The following TIAM2 variants were observed in gnomAD, a reference collection of about 807,000 sequenced individuals.
TIAM2 encodes rho guanine nucleotide exchange factor TIAM2.
A neutral mutation model predicts 152.9 loss-of-function variants in TIAM2; 80 were observed. The observed-to-expected ratio is 0.52, with a 90% CI of 0.44 to 0.63. The LOEUF is 0.63. TIAM2 is among the 30% of genes least tolerant of loss of function. TIAM2 has a pLI of 0.00. For missense variants in TIAM2, 1,965 were observed against 2,120.1 expected, an observed-to-expected ratio of 0.93 and a Z score of 1.44; for synonymous variants, 804 against 838.0, an observed-to-expected ratio of 0.96 and a Z score of 0.70.
intron 1 of TIAM2, among the ~76,000 whole-genome samples, chr6:155,026,513 C>T (rs1776605480): frequency 6.6e-6 from 1 of 152,184 alleles, no homozygotes; most frequent in African/African-American, 2.4e-5. Context: ...AGGGCATGGA[C>T]AACTACAGAA....
chr6:155,101,227 C>T (rs994436056), intron 2 of TIAM2, among the ~76,000 whole-genome samples: 1 of 152,166 alleles, frequency 6.6e-6, no homozygotes, highest in African/African-American at 2.4e-5. Context: ...GATTCTCAGG[C>T]AGATACTTGG....
intron 8 of TIAM2, among the ~76,000 whole-genome samples, chr6:155,164,835 G>C (rs1780377859): frequency 1.3e-5 from 2 of 152,208 alleles, no homozygotes; most frequent in African/African-American, 2.4e-5. Flanking sequence ...GACAGTTACT[G>C]CATGCTCATC....
intron 7 of TIAM2, among the ~76,000 whole-genome samples, chr6:155,162,818 C>A (rs1780307435): frequency 6.6e-6 from 1 of 152,202 alleles, no homozygotes; most frequent in African/African-American, 2.4e-5. Flanking sequence ...TATACAGGAT[C>A]TTGAGTGAGG....
At chr6:155,159,402 G>C (rs1300585177) in intron 7 of TIAM2, among the ~76,000 whole-genome samples, 1 of 152,088 alleles carries the variant, frequency 6.6e-6, no homozygotes, top group African/African-American at 2.4e-5. Flanking sequence ...CAGGGGCCCC[G>C]TTATAGCTAC....
At chr6:155,198,762 T>G (rs1252064689) in intron 14 of TIAM2, among the ~76,000 whole-genome samples, 2 of 150,246 alleles carry the variant, frequency 1.3e-5, no homozygotes, top group African/African-American at 2.5e-5. Flanking sequence ...TTGGAACACA[T>G]CTTGAGGCTT....
At chr6:155,168,892 T>G (rs1248404937) in intron 9 of TIAM2, 2 of 1,535,692 alleles carry the variant, frequency 1.3e-6, no homozygotes, top group Non-Finnish European at 1.7e-6. Flanking sequence ...CTCAGCTACC[T>G]CAAAACTCCA....
At chr6:155,104,040 A>ACT (rs1562316893) in intron 2 of TIAM2, among the ~76,000 whole-genome samples, 1 of 57,732 alleles carries the variant, frequency 1.7e-5, no homozygotes, top group Non-Finnish European at 3.2e-5. Context: ...ACACACACAC[A>ACT]CCCCCCCCCC....
Position 155,044,405 on chromosome 6 carries a change from G to T in TIAM2, c.-208-45884G>T, listed in dbSNP as rs142808776. On this transcript the variant is annotated intron_variant, in intron 1 of 26. Coordinates refer to ENST00000682666, the MANE Select transcript of TIAM2 (RefSeq NM_012454.4). ...TGAGGATGCTGCATTCATACAACTG[G>T]ACTGTTTTTTATTCGTTTAGCTGAA... Among the ~76,000 whole-genome samples the T allele has an allele frequency of 3.3e-5, 5 of 152,318 alleles. No individual in the cohort carries two copies. In the East Asian group the frequency reaches 9.6e-4, roughly 29 times the overall value.
chr6:155,158,100 G>A (rs1780170318), intron 7 of TIAM2, among the ~76,000 whole-genome samples: 1 of 152,128 alleles, frequency 6.6e-6, no homozygotes, highest in African/African-American at 2.4e-5. Flanking sequence ...CTTACACCAA[G>A]AAAGAAACAT....
chr6:155,085,991 G>A (rs963902364), intron 1 of TIAM2, among the ~76,000 whole-genome samples: 3 of 152,204 alleles, frequency 2.0e-5, no homozygotes, highest in African/African-American at 4.8e-5. Context: ...GTGGTCACAA[G>A]ATATTGCAGT....
At chr6:155,157,483 A>G (rs1055345513) in intron 7 of TIAM2, among the ~76,000 whole-genome samples, 1 of 151,124 alleles carries the variant, frequency 6.6e-6, no homozygotes, top group Non-Finnish European at 1.5e-5. Context: ...AAATTTTTTT[A>G]AAAAATAGAG....
intron 1 of TIAM2, among the ~76,000 whole-genome samples, chr6:155,066,675 G>A (rs1310595213): frequency 1.3e-5 from 2 of 152,114 alleles, no homozygotes; most frequent in Non-Finnish European, 2.9e-5. Flanking sequence ...TTTGGTGTGT[G>A]TATATATATA....
intron 18 of TIAM2, 114 bp downstream of exon 18, chr6:155,244,897 A>C (rs532821872): frequency 7.7e-7 from 1 of 1,296,044 alleles, no homozygotes. Context: ...TTGACTATTT[A>C]TTGTCCTGTG....
At chr6:155,142,476 C>T (rs914470775) in intron 5 of TIAM2, among the ~76,000 whole-genome samples, 1 of 152,230 alleles carries the variant, frequency 6.6e-6, no homozygotes, top group Non-Finnish European at 1.5e-5. Flanking sequence ...GTTAGGGAAG[C>T]TGGGAAGTGA....
intron 12 of TIAM2, 56 bp from the exon 13 acceptor site, chr6:155,182,170 G>T (rs1479687624): frequency 5.5e-6 from 8 of 1,456,158 alleles, no homozygotes; most frequent in Non-Finnish European, 7.7e-6. Context: ...GGTGTGGTTG[G>T]AGAAATTCAG....
intron 2 of TIAM2, among the ~76,000 whole-genome samples, chr6:155,111,283 C>A (rs1346582276): frequency 6.8e-6 from 1 of 147,084 alleles, no homozygotes; most frequent in African/African-American, 2.5e-5. Flanking sequence ...GGAAAGTGTC[C>A]ATATATTCTT....
intron 1 of TIAM2, among the ~76,000 whole-genome samples, chr6:155,079,590 T>C (rs1583179918): frequency 6.6e-6 from 1 of 152,230 alleles, no homozygotes; most frequent in East Asian, 1.9e-4. Flanking sequence ...GGGGTTCAGA[T>C]GTTCATCTTG....
chr6:155,054,237 C>T (rs1202351382), intron 1 of TIAM2, among the ~76,000 whole-genome samples: 2 of 152,152 alleles, frequency 1.3e-5, no homozygotes, highest in African/African-American at 2.4e-5. Context: ...ATGTGCATCC[C>T]CCCTGAGAGG....
intron 25 of TIAM2, 135 bp downstream of exon 25, chr6:155,254,195 T>C: frequency 9.6e-7 from 1 of 1,043,250 alleles, no homozygotes; most frequent in South Asian, 1.7e-5. Context: ...AAAAGGCAAC[T>C]GAGGCCGCTA....
Sources: allele counts gnomAD v4.1 joint callset (sites outside exome capture counted in the v4.1 genomes callset), GRCh38; gene constraint gnomAD v4.1.1; transcripts MANE v1.5; gene names NCBI Gene and HGNC (gene_info 2026-07-23, HGNC 2026-07-21).